Variants in POFUT3 observed in about 807,000 individuals in gnomAD.
POFUT3 encodes GDP-fucose protein O-fucosyltransferase 3.
chr8:33,369,141 C>A, the POFUT3 span, among the ~76,000 whole-genome samples: 1 of 152,192 alleles, frequency 6.6e-6, no homozygotes. Flanking sequence ...GTAACCACTA[C>A]AACAAGCATC....
At chr8:33,309,138 TAAAAAAAAAAAAAAAAAAAAAAAAAAA>T in the POFUT3 span, among the ~76,000 whole-genome samples, 7,990 of 41,450 alleles carry the variant, frequency 0.19, 1,067 homozygotes, top group East Asian at 0.41. Context: ...CTGGGGAGTG[TAAAAAAAAAAAAAAAAAAAAAAAAAAA>T]AAATATATAT....
the POFUT3 span, among the ~76,000 whole-genome samples, chr8:33,319,710 ATT>A: frequency 1.9e-4 from 14 of 73,478 alleles, 3 homozygotes; most frequent in Admixed American, 1.5e-3. Flanking sequence ...TTTTATATAT[ATT>A]TATATAATAT....
the POFUT3 span, among the ~76,000 whole-genome samples, chr8:33,467,882 T>C: frequency 2.6e-5 from 4 of 152,308 alleles, no homozygotes; most frequent in Admixed American, 2.6e-4. Flanking sequence ...GTGATTTCTT[T>C]CCTGCGTGTC....
At chr8:33,311,677 A>G in the POFUT3 span, among the ~76,000 whole-genome samples, 68 of 152,332 alleles carry the variant, frequency 4.5e-4, no homozygotes, top group East Asian at 0.013. Flanking sequence ...AACATGGAAT[A>G]GAGGCAGGAG....
the POFUT3 span, among the ~76,000 whole-genome samples, chr8:33,459,787 G>A: frequency 4.7e-4 from 72 of 152,026 alleles, 1 homozygote; most frequent in South Asian, 0.013. Context: ...GGCTGGGAAC[G>A]GTGGCTCACA....
chr8:33,390,168 A>G, the POFUT3 span, among the ~76,000 whole-genome samples: 1 of 151,988 alleles, frequency 6.6e-6, no homozygotes, highest in Non-Finnish European at 1.5e-5. Flanking sequence ...TGACAGAGCA[A>G]GACTCTGTCT....
chr8:33,369,896 G>A, the POFUT3 span, among the ~76,000 whole-genome samples: 2 of 152,036 alleles, frequency 1.3e-5, no homozygotes, highest in South Asian at 2.1e-4. Flanking sequence ...CAGCATTCAG[G>A]TTCCAAAATA....
the POFUT3 span, among the ~76,000 whole-genome samples, chr8:33,402,422 C>T: frequency 6.6e-6 from 1 of 152,172 alleles, no homozygotes; most frequent in South Asian, 2.1e-4. Flanking sequence ...ATTCTCAAAA[C>T]CTGCAGTGTT....
chr8:33,414,592 T>C, the POFUT3 span, among the ~76,000 whole-genome samples: 1 of 140,574 alleles, frequency 7.1e-6, no homozygotes, highest in Non-Finnish European at 1.6e-5. Context: ...CCATGGCTTT[T>C]TCCCCCTATT....
the POFUT3 span, among the ~76,000 whole-genome samples, chr8:33,431,659 A>G: frequency 6.6e-6 from 1 of 150,818 alleles, no homozygotes; most frequent in African/African-American, 2.4e-5. Flanking sequence ...CAGTTTTCCA[A>G]TTTCAACACA....
the POFUT3 span, among the ~76,000 whole-genome samples, chr8:33,374,062 A>ATTTTTATATTTCCAAC: frequency 6.6e-6 from 1 of 152,312 alleles, no homozygotes; most frequent in Non-Finnish European, 1.5e-5. Flanking sequence ...GGTGAGCAGC[A>ATTTTTATATTTCCAAC]TGCATGTGAG....
the POFUT3 span, among the ~76,000 whole-genome samples, chr8:33,369,057 ATCAACGAT>A: frequency 6.6e-6 from 1 of 152,228 alleles, no homozygotes; most frequent in Admixed American, 6.5e-5. Context: ...AGGTACTATC[ATCAACGAT>A]TCCCTTTTTC....
chr8:33,357,555 C>T, the POFUT3 span, among the ~76,000 whole-genome samples: 15 of 150,050 alleles, frequency 1.0e-4, no homozygotes, highest in African/African-American at 2.9e-4. Flanking sequence ...TATATATATA[C>T]ATATATATGT....
At chr8:33,471,107 G>A in the POFUT3 span, among the ~76,000 whole-genome samples, 1 of 152,144 alleles carries the variant, frequency 6.6e-6, no homozygotes, top group Non-Finnish European at 1.5e-5. Flanking sequence ...TTCTAAAAAT[G>A]TTCAAAAACC....
the POFUT3 span, among the ~76,000 whole-genome samples, chr8:33,431,506 C>A: frequency 2.3e-4 from 28 of 123,932 alleles, no homozygotes; most frequent in Middle Eastern, 5.9e-3. Flanking sequence ...TGAGACTGAG[C>A]CCCTGGACTC....
the POFUT3 span, among the ~76,000 whole-genome samples, chr8:33,360,369 C>T: frequency 2.0e-5 from 3 of 152,050 alleles, no homozygotes; most frequent in East Asian, 5.8e-4. Flanking sequence ...TCACTTGAAC[C>T]CAGGAGGCGG....
chr8:33,352,611 G>C, the POFUT3 span, among the ~76,000 whole-genome samples: 1 of 152,144 alleles, frequency 6.6e-6, no homozygotes, highest in Non-Finnish European at 1.5e-5. Context: ...CTAACAGATG[G>C]AACCAGAGAC....
the POFUT3 span, among the ~76,000 whole-genome samples, chr8:33,424,959 TCTCATGGAA>T: frequency 6.6e-6 from 1 of 152,202 alleles, no homozygotes; most frequent in Admixed American, 6.6e-5. Flanking sequence ...AATGCCTTGT[TCTCATGGAA>T]CTTACAGTAC....
the POFUT3 span, among the ~76,000 whole-genome samples, chr8:33,463,712 T>C: frequency 6.6e-6 from 1 of 152,184 alleles, no homozygotes; most frequent in Admixed American, 6.5e-5. Flanking sequence ...ACCCAGCTAA[T>C]TTTTGTTTGT....
Sources: allele counts gnomAD v4.1 joint callset (sites outside exome capture counted in the v4.1 genomes callset), GRCh38; gene constraint gnomAD v4.1.1; transcripts MANE v1.5; gene names NCBI Gene and HGNC (gene_info 2026-07-23, HGNC 2026-07-21).